The following GRK3 variants were observed in gnomAD, a reference collection of about 807,000 sequenced individuals.
GRK3 encodes adrenergic, beta, receptor kinase 2.
A neutral mutation model predicts 95.7 loss-of-function variants in GRK3; 54 were observed. The observed-to-expected ratio is 0.56, with a 90% CI of 0.45 to 0.71. GRK3 has a LOEUF of 0.71. Ranked by LOEUF, GRK3 falls within the 30% of genes least tolerant of loss-of-function variation. The pLI, the probability that GRK3 is intolerant of heterozygous loss-of-function variation, is 0.00. For synonymous variants in GRK3, 281 were observed against 290.8 expected, an observed-to-expected ratio of 0.97 and a Z score of 0.34; for missense variants, 649 against 851.2, an observed-to-expected ratio of 0.76 and a Z score of 2.96.
Position 25,723,530 on chromosome 22 carries a change from G to A in GRK3, c.*1080G>A, listed in dbSNP as rs2085450694. The A allele has an allele frequency of 6.6e-6, 1 of 152,206 alleles. No individual in the cohort carries two copies. 9.4% of individuals were successfully genotyped at this position (152,206 alleles called of 1,614,324 possible). A position where few individuals can be genotyped will look rare whatever the true frequency, so the allele number is the denominator to read the frequency against. On this transcript the variant is annotated 3_prime_UTR_variant, in exon 21 of 21. Coordinates refer to ENST00000324198, the MANE Select transcript of GRK3 (RefSeq NM_005160.4). ...ATACTTTGCACTGGGCTGTACGACA[G>A]TGAGGACCTTAGGGCATGAAGCCTT...
chr22:25,665,258 T>C (rs912113485), intron 5 of GRK3, among the ~76,000 whole-genome samples: 5 of 152,262 alleles, frequency 3.3e-5, no homozygotes, highest in Admixed American at 3.3e-4. Context: ...AAGTACAGTG[T>C]CAATATCTGC....
At chr22:25,648,605 A>T in intron 3 of GRK3, 1 of 1,170,698 alleles carries the variant, frequency 8.5e-7, no homozygotes, top group Non-Finnish European at 1.3e-6. Context: ...AACTTGTTCC[A>T]CTATATGCTG....
At chr22:25,576,408 G>C (rs1182652016) in intron 1 of GRK3, among the ~76,000 whole-genome samples, 1 of 152,146 alleles carries the variant, frequency 6.6e-6, no homozygotes, top group African/African-American at 2.4e-5. Context: ...GTGGGCACAC[G>C]TCCACTGGAT....
Position 25,644,677 on chromosome 22 carries a change from C to T in GRK3, c.264+12C>T. On this transcript the variant is annotated intron_variant, in intron 3 of 20. Coordinates refer to ENST00000324198, the MANE Select transcript of GRK3 (RefSeq NM_005160.4). The stretch of plus-strand genomic sequence containing the variant: ...AGTTTTATGAAGAGGTAAGAAGTAA[C>T]TGTTTTACTGATGCTTTTCTTTCAA... 3 of 1,379,992 alleles carry T rather than the reference C, an allele frequency of 2.2e-6. No individual in the cohort carries two copies. The South Asian group carries it at 3.9e-5, about 18-fold the overall frequency. 85.5% of individuals were successfully genotyped at this position (1,379,992 alleles called of 1,614,324 possible).
At chr22:25,678,362 G>T (rs1005367533) in intron 8 of GRK3, among the ~76,000 whole-genome samples, 3 of 152,214 alleles carry the variant, frequency 2.0e-5, no homozygotes, top group Admixed American at 2.0e-4. Flanking sequence ...GGCTGAGACA[G>T]GAGAATGGTG....
At chr22:25,670,077 CTCTT>C (rs770014679) in intron 6 of GRK3, among the ~76,000 whole-genome samples, 2 of 151,956 alleles carry the variant, frequency 1.3e-5, no homozygotes, top group Non-Finnish European at 2.9e-5. Context: ...CAGTGAAACA[CTCTT>C]TGTGAGTCAT....
At chr22:25,695,509 A>G (rs1026270823) in intron 13 of GRK3, among the ~76,000 whole-genome samples, 1 of 152,218 alleles carries the variant, frequency 6.6e-6, no homozygotes, top group Non-Finnish European at 1.5e-5. Flanking sequence ...GCCACATTGT[A>G]GGAATAAGTA....
chr22:25,580,900 G>A lies in GRK3; in HGVS notation c.113+15747G>A, dbSNP rs545264766. On this transcript the variant is annotated intron_variant, in intron 1 of 20. Transcript: ENST00000324198. ...AGCACTTTGGGTGGCCGAGGCAGGC[G>A]GATCAGTTGAACCAGGAGTTCGAGA... 2.9e-3 allele frequency among the ~76,000 whole-genome samples: 448 copies of A among 152,246 alleles called. 5 individuals carry two copies. In the Middle Eastern group the frequency reaches 0.031, roughly 10 times the overall value.
Position 25,714,486 on chromosome 22 carries a change from A to G in GRK3, c.1570A>G (p.Thr524Ala), listed in dbSNP as rs2146468414. Residue 524 changes from threonine (T) to alanine (A), a missense_variant, in exon 18 of 21, where the codon ACA becomes GCA. Physicochemically the swap from Thr to Ala is moderately conservative, Grantham distance 58 (BLOSUM62 0). This residue lies in a region of GRK3 where 382 missense variants were observed against 493.8 expected (regional missense o/e 0.77). Transcript: ENST00000324198. ...SERWQQEVTE[T>A]VYEAVNADTD... ...ACGCTGGCAGCAAGAAGTAACGGAA[A>G]CAGTTTATGAAGCAGTAAATGCAGA... 1.2e-6 allele frequency: 2 copies of G among 1,614,092 alleles called. No homozygotes were observed. Among genetic ancestry groups the G allele is most frequent in the Non-Finnish European group, 1.7e-6 (2 of 1,179,972 alleles).
At chr22:25,597,718 G>A (rs1465551406) in intron 1 of GRK3, among the ~76,000 whole-genome samples, 2 of 152,072 alleles carry the variant, frequency 1.3e-5, no homozygotes, top group Non-Finnish European at 2.9e-5. Context: ...ATAAAGAAAG[G>A]CAGCCGGATT....
At position 25,722,538 on chromosome 22, in the gene GRK3, G is replaced by A. The variant is rs1218926491; in HGVS notation, c.*88G>A. ...CGAGGATGAGGCATCTGATCTATTC[G>A]CTACCGGGACTCCTCCAGGCTCCCG... On this transcript the variant is annotated 3_prime_UTR_variant, in exon 21 of 21. Transcript: ENST00000324198. The A allele has an allele frequency of 2.8e-5, 40 of 1,427,546 alleles. No individual in the cohort carries two copies. In the South Asian group the frequency reaches 3.0e-4, roughly 11 times the overall value. 88.4% of individuals were successfully genotyped at this position (1,427,546 alleles called of 1,614,324 possible).
chr22:25,709,317 G>C (rs113735331), intron 15 of GRK3, among the ~76,000 whole-genome samples: 3 of 152,038 alleles, frequency 2.0e-5, no homozygotes, highest in Non-Finnish European at 4.4e-5. Context: ...GATTACAGGC[G>C]TGAGCCACCA....
chr22:25,652,288 G>A (rs1484957466), intron 3 of GRK3, among the ~76,000 whole-genome samples: 2 of 152,220 alleles, frequency 1.3e-5, no homozygotes, highest in East Asian at 1.9e-4. Flanking sequence ...CAAAACAGCC[G>A]GGTGTGGTGG....
intron 3 of GRK3, chr22:25,648,514 T>G: frequency 6.9e-7 from 1 of 1,456,406 alleles, no homozygotes; most frequent in Non-Finnish European, 9.6e-7. Context: ...AAAGTAGCAA[T>G]CAAAACACTA....
chr22:25,705,963 C>T (rs780861990), intron 15 of GRK3, among the ~76,000 whole-genome samples: 7 of 152,154 alleles, frequency 4.6e-5, no homozygotes, highest in Non-Finnish European at 1.0e-4. Flanking sequence ...CCCTTGTGCT[C>T]GGAGACTCGT....
chr22:25,565,818 C>G lies in GRK3; in HGVS notation c.113+665C>G, dbSNP rs561190991. Among the ~76,000 whole-genome samples, 9 of 152,302 alleles carry G rather than the reference C, an allele frequency of 5.9e-5. No individual in the cohort carries two copies. In the East Asian group the frequency reaches 1.5e-3, roughly 26 times the overall value. The stretch of plus-strand genomic sequence containing the variant: ...TTTGGTGCCAAGTGTGTCACCTGAG[C>G]TGCTTTCCTCAACTTGTAGATCTAC... On this transcript the variant is annotated intron_variant, in intron 1 of 20. Coordinates refer to ENST00000324198, the MANE Select transcript of GRK3 (RefSeq NM_005160.4).
At chr22:25,685,390 C>T (rs1306603282) in intron 10 of GRK3, 142 bp downstream of exon 10, 14 of 654,228 alleles carry the variant, frequency 2.1e-5, no homozygotes, top group Non-Finnish European at 2.7e-5. Context: ...AACCTTTTAC[C>T]CTTTAATCTT....
chr22:25,579,444 C>T (rs946043741), intron 1 of GRK3, among the ~76,000 whole-genome samples: 10 of 151,828 alleles, frequency 6.6e-5, no homozygotes, highest in Admixed American at 2.6e-4. Flanking sequence ...CTGTGCCCGA[C>T]CAATGAATGA....
intron 14 of GRK3, 105 bp downstream of exon 14, chr22:25,703,681 AATT>A (rs2085275939): frequency 2.4e-6 from 2 of 838,640 alleles, no homozygotes; most frequent in South Asian, 2.0e-5. Context: ...GGAAATATAA[AATT>A]ATGTATAGAC....
Sources: gnomAD v4.1 joint callset for allele counts (sites outside exome capture counted in the v4.1 genomes callset) on GRCh38, gnomAD v4.1.1 for gene constraint, gnomAD v4.1.1 regional missense constraint, MANE v1.5 for transcripts, NCBI Gene and HGNC (gene_info 2026-07-23, HGNC 2026-07-21) for gene names.